MS4A7: variants seen among roughly 807,000 people sequenced by gnomAD.
The protein encoded by MS4A7 is membrane spanning 4-domains A7.
MS4A7 carries 21 observed loss-of-function variants against 23.5 expected under a neutral mutation model. The ratio of observed to expected loss-of-function variants is 0.89; its 90% CI spans 0.63 to 1.29. The LOEUF (loss-of-function observed/expected upper bound fraction) is 1.29, where lower values mean the gene tolerates loss of function less well. Among genes scored for constraint, MS4A7 ranks in the 50% most tolerant of loss-of-function variants. MS4A7 has a pLI of 0.00. For synonymous variants in MS4A7, 111 were observed against 107.4 expected (o/e 1.03, Z -0.21); for missense variants, 263 against 274.2 (o/e 0.96, Z 0.29).
intron 4 of MS4A7, 155 bp from the exon 5 acceptor site, chr11:60,389,235 A>G: frequency 1.6e-6 from 1 of 607,780 alleles, no homozygotes; most frequent in Non-Finnish European, 2.9e-6. Context: ...TAGCGACAAG[A>G]GATACAAAGA....
chr11:60,394,890 T>C lies in MS4A7; in HGVS notation c.*1029T>C. On this transcript the variant is annotated 3_prime_UTR_variant, in exon 7 of 7. Transcript: ENST00000300184. ...TTTTAAATAAATGAATAAAATAAAA[T>C]AAAAAAGAATATTCAGTCGTTGGCA... 1 of 542,636 alleles carries C rather than the reference T, an allele frequency of 1.8e-6. No individual in the cohort carries two copies. The highest frequency in any genetic ancestry group is 3.3e-6 in the Non-Finnish European group (1 of 306,004). 33.6% of individuals were successfully genotyped at this position (542,636 alleles called of 1,614,324 possible).
chr11:60,391,108 A>G (rs2085545573), intron 5 of MS4A7, among the ~76,000 whole-genome samples: 1 of 152,230 alleles, frequency 6.6e-6, no homozygotes, highest in Admixed American at 6.5e-5. Context: ...TAAAGCTCAT[A>G]TGGAGTACCC....
Position 60,392,791 on chromosome 11 carries a change from G to C in MS4A7, c.648+5G>C. ...CTCTACTCCAACAACCCTGGGGTGA[G>C]TATGCTGACATGTCGCCTGATACCT... On this transcript the variant is annotated splice_donor_5th_base_variant and intron_variant, in intron 6 of 6. Coordinates refer to ENST00000300184, the MANE Select transcript of MS4A7 (RefSeq NM_021201.5). 6.2e-7 allele frequency: 1 copy of C among 1,600,666 alleles called. No homozygotes were observed. The highest frequency in any genetic ancestry group is 8.6e-7 in the Non-Finnish European group (1 of 1,167,916).
chr11:60,383,063 T>G, intron 1 of MS4A7, 66 bp from the exon 2 acceptor site: 1 of 1,539,760 alleles, frequency 6.5e-7, no homozygotes, highest in Non-Finnish European at 8.9e-7. Context: ...CAAAGTATGG[T>G]CCCTGGGAAG....
At chr11:60,387,155 C>A (rs2085500788) in intron 4 of MS4A7, among the ~76,000 whole-genome samples, 1 of 152,188 alleles carries the variant, frequency 6.6e-6, no homozygotes, top group Non-Finnish European at 1.5e-5. Context: ...ATAAAACCTG[C>A]CTCTTGGGGT....
chr11:60,382,743 G>T (rs2085443976), intron 1 of MS4A7, among the ~76,000 whole-genome samples: 1 of 152,210 alleles, frequency 6.6e-6, no homozygotes, highest in African/African-American at 2.4e-5. Flanking sequence ...GGAAGATGTG[G>T]TGTGAGAAGG....
chr11:60,379,813 G>A (rs2085410601), intron 1 of MS4A7, among the ~76,000 whole-genome samples: 2 of 152,150 alleles, frequency 1.3e-5, no homozygotes, highest in Non-Finnish European at 2.9e-5. Flanking sequence ...AGGATTACAG[G>A]CATGAGCCGC....
At chr11:60,378,733 T>C (rs1187981556) in intron 1 of MS4A7, 69 bp downstream of exon 1, 2 of 152,262 alleles carry the variant, frequency 1.3e-5, no homozygotes, top group Admixed American at 6.5e-5. Context: ...AGCCAGGGAA[T>C]TGGATTATCA....
intron 2 of MS4A7, among the ~76,000 whole-genome samples, chr11:60,384,456 C>T (rs572301671): frequency 1.3e-5 from 2 of 152,324 alleles, no homozygotes; most frequent in South Asian, 4.1e-4. Context: ...TTCATTCCCT[C>T]GTGCCTGGCA....
rs2085604887 is a variant in MS4A7, at chr11:60,395,383, CA to C, written c.*1525del. The C allele has an allele frequency of 6.5e-6, 1 of 153,400 alleles. No individual in the cohort carries two copies. Among genetic ancestry groups the C allele is most frequent in the South Asian group, 2.1e-4 (1 of 4,824 alleles). The allele number at this position is 153,400 out of a possible 1,614,324, so 9.5% of individuals were successfully genotyped here. A position where few individuals can be genotyped will look rare whatever the true frequency, so the allele number is the denominator to read the frequency against. On this transcript the variant is annotated 3_prime_UTR_variant, in exon 7 of 7. Transcript: ENST00000300184. ...TTCTACAACAAAGAATTATTGAGTC[CA>C]AATGTCATCAGTGCTCATTTTGAGA...
Position 60,386,781 on chromosome 11 carries a change from T to TA in MS4A7, c.339+10dup. 1 of 1,603,722 alleles carries TA rather than the reference T, an allele frequency of 6.2e-7. No individual in the cohort carries two copies. The highest frequency in any genetic ancestry group is 1.1e-5 in the South Asian group (1 of 89,796). ...CAATCAACTAAGCCCTTTGTAAGTA[T>TA]AAGGACCATCAAATCTCAGCTGGTT... On this transcript the variant is annotated intron_variant, in intron 4 of 6. Coordinates refer to ENST00000300184, the MANE Select transcript of MS4A7 (RefSeq NM_021201.5).
intron 1 of MS4A7, among the ~76,000 whole-genome samples, chr11:60,379,840 C>A (rs1021376482): frequency 6.6e-6 from 1 of 152,110 alleles, no homozygotes; most frequent in Non-Finnish European, 1.5e-5. Context: ...CAGCCTTAAC[C>A]ATTTTTAGGT....
intron 1 of MS4A7, among the ~76,000 whole-genome samples, chr11:60,381,695 C>A (rs1256212209): frequency 6.6e-6 from 1 of 152,220 alleles, no homozygotes; most frequent in Non-Finnish European, 1.5e-5. Flanking sequence ...GAGTTTATCA[C>A]ATGCCTCCCC....
intron 1 of MS4A7, among the ~76,000 whole-genome samples, chr11:60,379,856 G>A (rs567943680): frequency 6.6e-6 from 1 of 152,244 alleles, no homozygotes; most frequent in Admixed American, 6.5e-5. Flanking sequence ...TAGGTGTACA[G>A]TTCAGTGGCA....
intron 2 of MS4A7, among the ~76,000 whole-genome samples, chr11:60,384,594 C>A (rs868633414): frequency 6.6e-6 from 1 of 152,208 alleles, no homozygotes; most frequent in Non-Finnish European, 1.5e-5. Flanking sequence ...AAAGCATGGG[C>A]TTTAGAGCAA....
At chr11:60,387,154 G>T (rs2085500746) in intron 4 of MS4A7, among the ~76,000 whole-genome samples, 1 of 152,170 alleles carries the variant, frequency 6.6e-6, no homozygotes, top group Non-Finnish European at 1.5e-5. Flanking sequence ...TATAAAACCT[G>T]CCTCTTGGGG....
At chr11:60,384,217 C>T (rs1360759842) in intron 2 of MS4A7, among the ~76,000 whole-genome samples, 2 of 152,180 alleles carry the variant, frequency 1.3e-5, no homozygotes, top group East Asian at 3.9e-4. Flanking sequence ...TCTCCTGGCT[C>T]AAAATTATCC....
chr11:60,385,726 G>A (rs1327118323), intron 3 of MS4A7, among the ~76,000 whole-genome samples: 1 of 152,204 alleles, frequency 6.6e-6, no homozygotes, highest in Non-Finnish European at 1.5e-5. Flanking sequence ...GTAACCCTGA[G>A]CACTAGAGAA....
chr11:60,384,964 T>C, intron 2 of MS4A7, 124 bp from the exon 3 acceptor site: 2 of 875,240 alleles, frequency 2.3e-6, no homozygotes, highest in South Asian at 4.7e-5. Flanking sequence ...CTTGTAACAT[T>C]TTTCCTCTTT....
Sources: gnomAD v4.1 joint callset for allele counts (sites outside exome capture counted in the v4.1 genomes callset) on GRCh38, gnomAD v4.1.1 for gene constraint, MANE v1.5 for transcripts, NCBI Gene and HGNC (gene_info 2026-07-23, HGNC 2026-07-21) for gene names.